The following NKAIN2 variants were observed in gnomAD, a reference collection of about 807,000 sequenced individuals.
NKAIN2 encodes sodium/potassium-transporting ATPase subunit beta-1-interacting protein 2.
NKAIN2 carries 14 observed loss-of-function variants against 32.6 expected under a neutral mutation model. The observed-to-expected ratio is 0.43, with a 90% CI of 0.28 to 0.67. The LOEUF (loss-of-function observed/expected upper bound fraction) is 0.67. Among genes scored for constraint, NKAIN2 ranks in the 30% least tolerant of loss-of-function variants. The pLI, the probability that NKAIN2 is intolerant of heterozygous loss-of-function variation, is 0.17. For missense variants in NKAIN2, 198 were observed against 258.3 expected (o/e 0.77, Z 1.60); for synonymous variants, 80 against 87.2 (o/e 0.92, Z 0.46).
intron 5 of NKAIN2, among the ~76,000 whole-genome samples, chr6:124,805,406 C>T (rs1027794990): frequency 6.6e-6 from 1 of 152,144 alleles, no homozygotes; most frequent in African/African-American, 2.4e-5. Context: ...CTCTAGCAAA[C>T]TCCAACAGAC....
At chr6:124,774,681 C>A (rs941825714) in intron 4 of NKAIN2, among the ~76,000 whole-genome samples, 3 of 151,866 alleles carry the variant, frequency 2.0e-5, no homozygotes, top group African/African-American at 7.3e-5. Context: ...CATGATGAAA[C>A]CCTGTCTCTA....
intron 3 of NKAIN2, among the ~76,000 whole-genome samples, chr6:124,471,511 A>G (rs1776972165): frequency 6.6e-6 from 1 of 152,130 alleles, no homozygotes; most frequent in Non-Finnish European, 1.5e-5. Flanking sequence ...TTACATATAT[A>G]ACTTGCAATT....
At chr6:124,338,903 A>T (rs2115075014) in intron 2 of NKAIN2, among the ~76,000 whole-genome samples, 1 of 152,362 alleles carries the variant, frequency 6.6e-6, no homozygotes, top group Non-Finnish European at 1.5e-5. Flanking sequence ...TTTAGATATT[A>T]CACTCTTCAG....
chr6:124,290,836 G>A (rs534978089), intron 2 of NKAIN2, among the ~76,000 whole-genome samples: 27 of 151,856 alleles, frequency 1.8e-4, no homozygotes, highest in East Asian at 3.9e-4. Flanking sequence ...TATCCAGTCC[G>A]TTTATATTTG....
At chr6:124,566,862 A>C (rs1780934773) in intron 3 of NKAIN2, among the ~76,000 whole-genome samples, 1 of 152,200 alleles carries the variant, frequency 6.6e-6, no homozygotes, top group Non-Finnish European at 1.5e-5. Context: ...AGAAAGAAAG[A>C]AATCAGAGGA....
chr6:124,055,659 A>G (rs539307869), intron 1 of NKAIN2, among the ~76,000 whole-genome samples: 1 of 152,160 alleles, frequency 6.6e-6, no homozygotes, highest in East Asian at 1.9e-4. Context: ...AGAATAACAC[A>G]GAACAGTTCA....
At chr6:124,343,818 A>G (rs564206977) in intron 2 of NKAIN2, among the ~76,000 whole-genome samples, 3,066 of 148,028 alleles carry the variant, frequency 0.021, 117 homozygotes, top group African/African-American at 0.071. Flanking sequence ...TTTGCTGTGC[A>G]GAAGCTCTTT....
chr6:124,781,228 G>T lies in NKAIN2; in HGVS notation c.475-10111G>T, dbSNP rs550383523. Among the ~76,000 whole-genome samples, 4 of 152,206 alleles carry T rather than the reference G, an allele frequency of 2.6e-5. No homozygotes were observed. In the East Asian group the frequency reaches 7.7e-4, roughly 29 times the overall value. ...AGAAGCATAGGATTTAGGGTCCATA[G>T]GCATGAATCAAGTCCTCTCATTATG... On this transcript the variant is annotated intron_variant, in intron 4 of 6. Coordinates refer to ENST00000368417, the MANE Select transcript of NKAIN2 (RefSeq NM_001040214.3).
intron 1 of NKAIN2, among the ~76,000 whole-genome samples, chr6:123,957,217 T>C (rs189874695): frequency 6.6e-6 from 1 of 152,276 alleles, no homozygotes; most frequent in Admixed American, 6.5e-5. Flanking sequence ...CAAAAATATT[T>C]TCAGCCTATA....
At chr6:124,485,224 C>T (rs917107639) in intron 3 of NKAIN2, among the ~76,000 whole-genome samples, 3 of 152,158 alleles carry the variant, frequency 2.0e-5, no homozygotes, top group Admixed American at 6.5e-5. Flanking sequence ...CAGGCTCCAC[C>T]TGTCTTACTG....
At chr6:124,126,838 C>T (rs1786192214) in intron 1 of NKAIN2, among the ~76,000 whole-genome samples, 2 of 152,142 alleles carry the variant, frequency 1.3e-5, no homozygotes, top group South Asian at 2.1e-4. Context: ...GCCTGTAGTC[C>T]CAGCTACTCT....
chr6:124,760,362 C>T, intron 4 of NKAIN2, among the ~76,000 whole-genome samples: 1 of 105,002 alleles, frequency 9.5e-6, no homozygotes, highest in African/African-American at 3.8e-5. Flanking sequence ...CCCCGCCCCA[C>T]CTACACAAGC....
chr6:124,593,861 C>T (rs904289497), intron 3 of NKAIN2, among the ~76,000 whole-genome samples: 5 of 151,848 alleles, frequency 3.3e-5, no homozygotes, highest in Admixed American at 2.0e-4. Context: ...CCTGAAGAGG[C>T]CTCCAGGCTT....
intron 1 of NKAIN2, among the ~76,000 whole-genome samples, chr6:123,821,746 G>C (rs751314630): frequency 1.3e-5 from 2 of 152,126 alleles, no homozygotes. Flanking sequence ...TGAGGGAGCC[G>C]TGAAGTTCAA....
At position 123,804,362 on chromosome 6, in the gene NKAIN2, G is replaced by A. The variant is rs1328485262; in HGVS notation, c.54+108G>A. On this transcript the variant is annotated intron_variant, in intron 1 of 6. Transcript: ENST00000368417. ...ACTAGAATGGACGAAAAAGATAAAAGAGAAGGTGACAGATATATTGCCTAT... is the reference window on the plus strand; with the variant it reads ...ACTAGAATGGACGAAAAAGATAAAAAAGAAGGTGACAGATATATTGCCTAT... The A allele has an allele frequency of 6.2e-6, 6 of 965,832 alleles. No individual in the cohort carries two copies. The Admixed American group carries it at 1.0e-4, about 17-fold the overall frequency. The allele number at this position is 965,832 out of a possible 1,614,324, so 59.8% of individuals were successfully genotyped here.
chr6:124,269,929 A>C, intron 1 of NKAIN2, among the ~76,000 whole-genome samples: 1 of 152,178 alleles, frequency 6.6e-6, no homozygotes, highest in East Asian at 1.9e-4. Context: ...ATTGAATTTT[A>C]CGAAAGAGAC....
chr6:124,362,834 T>TTAG (rs1346472426), intron 3 of NKAIN2, among the ~76,000 whole-genome samples: 1 of 151,950 alleles, frequency 6.6e-6, no homozygotes, highest in Non-Finnish European at 1.5e-5. Context: ...AAAAAGAATT[T>TTAG]TATTATTATT....
At chr6:124,697,300 T>A (rs1233667267) in intron 4 of NKAIN2, among the ~76,000 whole-genome samples, 1 of 152,176 alleles carries the variant, frequency 6.6e-6, no homozygotes, top group Non-Finnish European at 1.5e-5. Context: ...GGAAAAGATG[T>A]CTTGTGTTGA....
chr6:124,185,910 A>T (rs1789702335), intron 1 of NKAIN2, among the ~76,000 whole-genome samples: 1 of 152,118 alleles, frequency 6.6e-6, no homozygotes, highest in East Asian at 1.9e-4. Flanking sequence ...CTTTGAATAT[A>T]ATTTTGTTAG....
Sources: gnomAD v4.1 joint callset for allele counts (sites outside exome capture counted in the v4.1 genomes callset) on GRCh38, gnomAD v4.1.1 for gene constraint, MANE v1.5 for transcripts, NCBI Gene and HGNC (gene_info 2026-07-23, HGNC 2026-07-21) for gene names.